Variants in DNAJC7 observed in about 807,000 individuals in gnomAD.
DNAJC7 encodes dnaJ homolog subfamily C member 7.
DNAJC7 carries 18 observed loss-of-function variants against 67.4 expected under a neutral mutation model. The ratio of observed to expected loss-of-function variants is 0.27; its 90% CI spans 0.18 to 0.40. The LOEUF (loss-of-function observed/expected upper bound fraction) is 0.40. DNAJC7 is among the 10% of genes least tolerant of loss of function. The probability of loss-of-function intolerance (pLI) is 1.00; values close to 1 mark genes in which losing one functional copy is unlikely to be tolerated. For missense variants in DNAJC7, 419 were observed against 613.8 expected, an observed-to-expected ratio of 0.68 and a Z score of 3.35; for synonymous variants, 220 against 207.8, an observed-to-expected ratio of 1.06 and a Z score of -0.50.
At chr17:41,995,068 G>T in intron 4 of DNAJC7, 124 bp from the exon 5 acceptor site, 1 of 845,706 alleles carries the variant, frequency 1.2e-6, no homozygotes. Context: ...TCTTTTGATA[G>T]AGATAGGGTC....
intron 1 of DNAJC7, among the ~76,000 whole-genome samples, chr17:42,001,831 C>A (rs1406166085): frequency 6.6e-6 from 1 of 152,176 alleles, no homozygotes; most frequent in Non-Finnish European, 1.5e-5. Flanking sequence ...GATCCTCCCT[C>A]TCCATTCTTC....
At chr17:42,013,818 G>A (rs1405968883) in intron 1 of DNAJC7, 1 of 152,232 alleles carries the variant, frequency 6.6e-6, no homozygotes, top group Non-Finnish European at 1.5e-5. Context: ...TTTTGAGACA[G>A]AGTTTCACTC....
chr17:42,008,870 G>A (rs919243230), intron 1 of DNAJC7, among the ~76,000 whole-genome samples: 7 of 152,070 alleles, frequency 4.6e-5, no homozygotes, highest in Admixed American at 4.6e-4. Context: ...ACCATGCCTG[G>A]CTAATCTTTG....
intron 12 of DNAJC7, 38 bp from the exon 13 acceptor site, chr17:41,977,361 G>A (rs371041519): frequency 6.5e-7 from 1 of 1,535,138 alleles, no homozygotes; most frequent in Non-Finnish European, 8.8e-7. Flanking sequence ...GGGAAGAAAA[G>A]GTGAAAAATT....
intron 1 of DNAJC7, among the ~76,000 whole-genome samples, chr17:42,007,108 A>G (rs2051986878): frequency 6.6e-6 from 1 of 152,046 alleles, no homozygotes; most frequent in South Asian, 2.1e-4. Flanking sequence ...TCTCAAAAAA[A>G]AAAAAGAAAA....
rs782038260 is a variant in DNAJC7 at position 41,981,841 on chromosome 17, C to T, written c.1384+14G>A. On this transcript the variant is annotated intron_variant, in intron 12 of 13. Coordinates refer to ENST00000457167, the MANE Select transcript of DNAJC7 (RefSeq NM_003315.4). ...AGCTGTCAAATTCATCCCAGGCTGC[C>T]CCAGCCAACTCACCACCCATATTCA... The T allele has an allele frequency of 4.3e-6, 7 of 1,610,460 alleles. No individual in the cohort carries two copies. In the African/African-American group the frequency reaches 8.0e-5, roughly 18 times the overall value.
intron 5 of DNAJC7, among the ~76,000 whole-genome samples, chr17:41,994,519 CAAAAA>C (rs68006925): frequency 2.6e-5 from 1 of 37,884 alleles, no homozygotes; most frequent in Non-Finnish European, 6.1e-5. Context: ...GACTAGGCCT[CAAAAA>C]AAAAAAAAAA....
chr17:41,996,977 C>G (rs1444110955), intron 3 of DNAJC7, 138 bp downstream of exon 3: 5 of 1,342,786 alleles, frequency 3.7e-6, no homozygotes, highest in South Asian at 1.4e-5. Flanking sequence ...AAACAACCCA[C>G]AGTGCACAGT....
At chr17:41,989,319 G>A in intron 7 of DNAJC7, 85 bp downstream of exon 7, 1 of 1,520,488 alleles carries the variant, frequency 6.6e-7, no homozygotes, top group South Asian at 1.3e-5. Flanking sequence ...CACATTCCTT[G>A]TGATTCTAAA....
chr17:42,001,902 T>C (rs1555649538), intron 1 of DNAJC7, among the ~76,000 whole-genome samples: 2 of 152,186 alleles, frequency 1.3e-5, no homozygotes, highest in African/African-American at 2.4e-5. Flanking sequence ...AGAAGGCAAA[T>C]GGGAATGACC....
At chr17:41,992,248 C>T (rs1272250372) in intron 5 of DNAJC7, among the ~76,000 whole-genome samples, 1 of 152,160 alleles carries the variant, frequency 6.6e-6, no homozygotes, top group Non-Finnish European at 1.5e-5. Context: ...TCTTGGCTCA[C>T]TGCAACCTCT....
rs368515756 is a variant in DNAJC7, at chr17:41,994,867, T to C, written c.480+3A>G. 563 of 1,613,640 alleles carry C rather than the reference T, an allele frequency of 3.5e-4. No individual in the cohort carries two copies. Among genetic ancestry groups the C allele is most frequent in the Non-Finnish European group, 4.6e-4 (541 of 1,179,682 alleles). ...ATGAGATTATCTCATGGTTGTACTG[T>C]ACCTTCCGAAAATCTCGCTTCTCAA... On this transcript the variant is annotated splice_donor_region_variant and intron_variant, in intron 5 of 13. Transcript: ENST00000457167.
chr17:41,989,749 G>A (rs2051466582), intron 6 of DNAJC7, among the ~76,000 whole-genome samples, 192 bp from the exon 7 acceptor site: 1 of 152,168 alleles, frequency 6.6e-6, no homozygotes, highest in Admixed American at 6.5e-5. Flanking sequence ...TACACATCTT[G>A]TGTCTTACAA....
rs574602523 is a variant in DNAJC7 at position 41,998,251 on chromosome 17, C to T, written c.167-1012G>A. Among the ~76,000 whole-genome samples the T allele has an allele frequency of 9.2e-5, 14 of 152,050 alleles. No individual in the cohort carries two copies. In the South Asian group the frequency reaches 2.9e-3, roughly 32 times the overall value. On this transcript the variant is annotated intron_variant, in intron 2 of 13. Transcript: ENST00000457167. ...TTGGGAGGCCGAGGTGGGCAGATCA[C>T]TTGGGGCCAGGAGTTTTGAGACCAG...
At position 41,989,799 on chromosome 17, in the gene DNAJC7, C is replaced by T. The variant is rs78480213; in HGVS notation, c.600-242G>A. Among the ~76,000 whole-genome samples the T allele has an allele frequency of 6.6e-5, 10 of 152,342 alleles. No individual in the cohort carries two copies. In the East Asian group the frequency reaches 1.9e-3, roughly 29 times the overall value. On this transcript the variant is annotated intron_variant, in intron 6 of 13. Coordinates refer to ENST00000457167, the MANE Select transcript of DNAJC7 (RefSeq NM_003315.4). Reference sequence around the variant, plus strand: ...GAACAGGGTTTGGCAAACTACAGCCCACAGGGCCAAATCCTTTCTGCCACT... The same window carrying T: ...GAACAGGGTTTGGCAAACTACAGCCTACAGGGCCAAATCCTTTCTGCCACT...
At chr17:41,995,024 A>T in intron 4 of DNAJC7, 80 bp from the exon 5 acceptor site, 1 of 1,178,296 alleles carries the variant, frequency 8.5e-7, no homozygotes, top group Non-Finnish European at 1.3e-6. Flanking sequence ...CAAGGCCTTG[A>T]TGAATTTGAA....
chr17:41,984,522 TG>T (rs1309188529), intron 9 of DNAJC7: 1 of 152,260 alleles, frequency 6.6e-6, no homozygotes, highest in African/African-American at 2.4e-5. Flanking sequence ...TTAGCCAGGA[TG>T]GTCTCCATCT....
chr17:41,976,689 C>G lies in DNAJC7; in HGVS notation c.*44G>C. ...AACTGTTTCCACATTCAAGATTAAA[C>G]TGAGTGAATCTGCATTTTCTGGGTT... On this transcript the variant is annotated 3_prime_UTR_variant, in exon 14 of 14. Transcript: ENST00000457167. The G allele has an allele frequency of 6.2e-7, 1 of 1,602,478 alleles. No homozygotes were observed. The highest frequency in any genetic ancestry group is 1.1e-5 in the South Asian group (1 of 90,298).
chr17:42,007,067 A>G lies in DNAJC7; in HGVS notation c.78-6497T>C, dbSNP rs112386090. Among the ~76,000 whole-genome samples the G allele has an allele frequency of 4.6e-5, 7 of 151,446 alleles. No homozygotes were observed. The Middle Eastern group carries it at 0.01, about 221-fold the overall frequency. On this transcript the variant is annotated intron_variant, in intron 1 of 13. Transcript: ENST00000457167. ...CGGTGAGCTGACATCGCGCCACTGC[A>G]CTCCAGCCTGGGCAACAGAGCAAGA...
Sources: gnomAD v4.1 joint callset for allele counts (sites outside exome capture counted in the v4.1 genomes callset) on GRCh38, gnomAD v4.1.1 for gene constraint, MANE v1.5 for transcripts, NCBI Gene and HGNC (gene_info 2026-07-23, HGNC 2026-07-21) for gene names.